The following MTMR14 variants were observed in gnomAD, a reference collection of about 807,000 sequenced individuals.
MTMR14 encodes the protein myotubularin related protein 14.
MTMR14 carries 48 observed loss-of-function variants against 86.3 expected under a neutral mutation model. The observed-to-expected ratio is 0.56, with a 90% confidence interval of 0.44 to 0.71. The LOEUF (loss-of-function observed/expected upper bound fraction) is 0.71. Among genes scored for constraint, MTMR14 ranks in the 30% least tolerant of loss-of-function variants. MTMR14 has a pLI of 0.00. For synonymous variants in MTMR14, 366 were observed against 326.1 expected, an observed-to-expected ratio of 1.12 and a Z score of -1.32; for missense variants, 780 against 834.6, an observed-to-expected ratio of 0.93 and a Z score of 0.81.
intron 13 of MTMR14, among the ~76,000 whole-genome samples, chr3:9,685,829 C>T (rs1243516076): frequency 6.6e-6 from 1 of 152,148 alleles, no homozygotes; most frequent in Admixed American, 6.5e-5. Context: ...CAGGCCTTAC[C>T]TGTTAGTGCC....
intron 13 of MTMR14, among the ~76,000 whole-genome samples, chr3:9,686,589 G>A (rs562569582): frequency 6.6e-5 from 10 of 152,328 alleles, no homozygotes; most frequent in South Asian, 2.1e-4. Flanking sequence ...TTGGAGGTTC[G>A]GGGAACATAT....
chr3:9,656,748 C>G (rs1193247156), intron 2 of MTMR14, among the ~76,000 whole-genome samples: 1 of 151,934 alleles, frequency 6.6e-6, no homozygotes, highest in Non-Finnish European at 1.5e-5. Flanking sequence ...AATCTTTAAG[C>G]TAAAGTTTCT....
chr3:9,650,951 G>A lies in MTMR14; in HGVS notation c.159+1209G>A, dbSNP rs146529906. Among the ~76,000 whole-genome samples the A allele has an allele frequency of 2.6e-5, 4 of 151,998 alleles. No homozygotes were observed. The East Asian group carries it at 7.7e-4, about 29-fold the overall frequency. On this transcript the variant is annotated intron_variant, in intron 1 of 18. Coordinates refer to ENST00000296003, the MANE Select transcript of MTMR14 (RefSeq NM_001077525.3). The stretch of plus-strand genomic sequence containing the variant: ...TTACAGGACCCCACCACCACGCCCA[G>A]CTAATTATTGTAGTTTTTAGTAGAG...
chr3:9,677,934 G>A lies in MTMR14; in HGVS notation c.823-50G>A, dbSNP rs773133666. On this transcript the variant is annotated intron_variant, in intron 8 of 18. Coordinates refer to ENST00000296003, the MANE Select transcript of MTMR14 (RefSeq NM_001077525.3). This position sits in a 1 kb window ranked among gnomAD's most constrained non-coding sequence, Gnocchi z 4.2. ...GACTGCAAGCTTCCCCATCACCTAA[G>A]CCTCCTCTGGTGGCCAACCCACATC... The A allele has an allele frequency of 6.3e-7, 1 of 1,578,904 alleles. No homozygotes were observed. The highest frequency in any genetic ancestry group is 8.7e-7 in the Non-Finnish European group (1 of 1,150,042).
chr3:9,695,856 G>A (rs1007214735), intron 17 of MTMR14, among the ~76,000 whole-genome samples: 78 of 152,322 alleles, frequency 5.1e-4, no homozygotes, highest in Admixed American at 1.7e-3. Context: ...GGGTTGTGCC[G>A]GCTGAAGGCC....
At chr3:9,658,694 GGTAA>G (rs879525725) in intron 2 of MTMR14, among the ~76,000 whole-genome samples, 1 of 152,118 alleles carries the variant, frequency 6.6e-6, no homozygotes, top group Non-Finnish European at 1.5e-5. Context: ...TGTAAAATTG[GGTAA>G]GTGAGGACTG....
intron 9 of MTMR14, 84 bp downstream of exon 9, chr3:9,678,142 C>A: frequency 7.2e-7 from 1 of 1,396,846 alleles, no homozygotes; most frequent in Non-Finnish European, 1.0e-6. Context: ...ACAAGGCCCT[C>A]GTGTGTTTGC....
intron 3 of MTMR14, 68 bp downstream of exon 3, chr3:9,662,443 T>A: frequency 1.5e-6 from 2 of 1,344,562 alleles, no homozygotes; most frequent in Non-Finnish European, 2.1e-6. Context: ...CTGCAAAGTA[T>A]AGGGTCTTTT....
intron 17 of MTMR14, among the ~76,000 whole-genome samples, chr3:9,696,581 T>C (rs1575088653): frequency 6.6e-6 from 1 of 152,322 alleles, no homozygotes; most frequent in East Asian, 1.9e-4. Context: ...GTCTTACAGA[T>C]GGGGATGGTT....
chr3:9,655,769 T>A (rs1477249045), intron 2 of MTMR14, among the ~76,000 whole-genome samples: 1 of 151,382 alleles, frequency 6.6e-6, no homozygotes, highest in East Asian at 2.0e-4. Flanking sequence ...CCTCTTGATG[T>A]CTTAAATACA....
intron 9 of MTMR14, among the ~76,000 whole-genome samples, chr3:9,681,460 C>T (rs754840505): frequency 4.6e-5 from 7 of 152,284 alleles, no homozygotes; most frequent in South Asian, 2.1e-4. Flanking sequence ...GAGGCAACAA[C>T]GTAACCATCA....
chr3:9,659,399 A>C (rs566886671), intron 2 of MTMR14, among the ~76,000 whole-genome samples: 29 of 152,132 alleles, frequency 1.9e-4, no homozygotes, highest in Non-Finnish European at 3.5e-4. Context: ...AGGACAAGAG[A>C]TAATAAAAAC....
Position 9,701,804 on chromosome 3 carries a change from G to C in MTMR14, c.1784G>C (p.Ser595Thr). 1 of 1,613,870 alleles carries C rather than the reference G, an allele frequency of 6.2e-7. No homozygotes were observed. The change falls in exon 19 of 19, where the codon AGT becomes ACT. Residue 595 changes from serine (S) to threonine (T), a missense_variant. Transcript: ENST00000296003. The surrounding 1 kb of genome is among the most constrained non-coding windows in gnomAD (Gnocchi z 4.2). ...LPNSCLLAAL[S>T]DRETRLQEVR... Reference sequence around the variant, plus strand: ...CCTCCCCATAGGCTTGCAGCCCTGAGTGATCGAGAGACTCGGCTGCAGGAG... The same window carrying C: ...CCTCCCCATAGGCTTGCAGCCCTGACTGATCGAGAGACTCGGCTGCAGGAG...
At chr3:9,665,994 T>G (rs1204026919) in intron 3 of MTMR14, among the ~76,000 whole-genome samples, 1 of 152,136 alleles carries the variant, frequency 6.6e-6, no homozygotes, top group Non-Finnish European at 1.5e-5. Context: ...CCCAAAGTGC[T>G]GGTATTACAG....
intron 9 of MTMR14, among the ~76,000 whole-genome samples, chr3:9,681,371 A>G (rs188090557): frequency 3.3e-5 from 5 of 152,344 alleles, no homozygotes; most frequent in African/African-American, 9.6e-5. Flanking sequence ...ACATTCTGCA[A>G]TGACCTCCTA....
At chr3:9,654,178 T>A (rs1179221271) in intron 2 of MTMR14, among the ~76,000 whole-genome samples, 1 of 152,118 alleles carries the variant, frequency 6.6e-6, no homozygotes, top group Non-Finnish European at 1.5e-5. Context: ...CTGTCTAGAG[T>A]TCACATCCTG....
intron 2 of MTMR14, among the ~76,000 whole-genome samples, chr3:9,657,925 C>T (rs993083447): frequency 3.3e-5 from 5 of 152,156 alleles, no homozygotes; most frequent in Non-Finnish European, 5.9e-5. Context: ...AGGTAGTAAG[C>T]AGAGTGGGGT....
chr3:9,685,666 C>T (rs1559602918), intron 13 of MTMR14, among the ~76,000 whole-genome samples: 1 of 152,144 alleles, frequency 6.6e-6, no homozygotes, highest in Non-Finnish European at 1.5e-5. Flanking sequence ...TTTTCAATGT[C>T]AGGGTGCCCG....
At chr3:9,651,180 C>A (rs1268774514) in intron 1 of MTMR14, among the ~76,000 whole-genome samples, 7 of 152,126 alleles carry the variant, frequency 4.6e-5, no homozygotes, top group Admixed American at 4.6e-4. Flanking sequence ...TGACTTACTG[C>A]AGCCTCGAAA....
Sources: allele counts gnomAD v4.1 joint callset (sites outside exome capture counted in the v4.1 genomes callset), GRCh38; gene constraint gnomAD v4.1.1; non-coding constraint Gnocchi (gnomAD v3.1); transcripts MANE v1.5; gene names NCBI Gene and HGNC (gene_info 2026-07-23, HGNC 2026-07-21).